The following GRIK2 variants were observed in gnomAD, a reference collection of about 807,000 sequenced individuals.
GRIK2 encodes the protein glutamate receptor ionotropic, kainate 2.
GRIK2 carries 32 observed loss-of-function variants against 100.3 expected under a neutral mutation model. That is an observed-to-expected ratio of 0.32 (90% CI 0.24 to 0.43). The LOEUF is 0.43. Ranked by LOEUF, GRIK2 falls within the 20% of genes least tolerant of loss-of-function variation. The probability of loss-of-function intolerance (pLI) is 1.00; values close to 1 mark genes in which losing one functional copy is unlikely to be tolerated. For synonymous variants in GRIK2, 417 were observed against 389.4 expected, an observed-to-expected ratio of 1.07 and a Z score of -0.83; for missense variants, 843 against 1,114.9, an observed-to-expected ratio of 0.76 and a Z score of 3.47.
chr6:101,601,542 T>C lies in GRIK2; in HGVS notation c.116-20407T>C, dbSNP rs192791576. ...CCTTCTTTTTACAACTGATAGAATT[T>C]GGCTGTAAAGCCATCTGGTCTGGGG... is the stretch of plus-strand genomic sequence containing the variant. On this transcript the variant is annotated intron_variant, in intron 2 of 16. Coordinates refer to ENST00000369134, the MANE Select transcript of GRIK2 (RefSeq NM_021956.5). Among the ~76,000 whole-genome samples, 1,473 of 152,052 alleles carry C rather than the reference T, an allele frequency of 9.7e-3. 15 individuals carry two copies. Among genetic ancestry groups the C allele is most frequent in the Admixed American group, 0.018 (267 of 15,214 alleles).
chr6:101,565,136 T>C (rs926703191), intron 2 of GRIK2, among the ~76,000 whole-genome samples: 1 of 152,118 alleles, frequency 6.6e-6, no homozygotes, highest in Admixed American at 6.6e-5. Context: ...CATTTCGGTC[T>C]GAAACATCTG....
At chr6:101,894,347 A>C in intron 12 of GRIK2, among the ~76,000 whole-genome samples, 1 of 151,806 alleles carries the variant, frequency 6.6e-6, no homozygotes, top group East Asian at 1.9e-4. Context: ...AAGCAGTTAT[A>C]TTATTATTTA....
At chr6:101,526,750 T>A (rs944455175) in intron 2 of GRIK2, among the ~76,000 whole-genome samples, 4 of 152,232 alleles carry the variant, frequency 2.6e-5, no homozygotes, top group African/African-American at 7.2e-5. Context: ...TGTACACAGG[T>A]TGTAGCATAA....
intron 2 of GRIK2, among the ~76,000 whole-genome samples, chr6:101,399,758 G>C (rs1035337694): frequency 6.6e-6 from 1 of 152,198 alleles, no homozygotes; most frequent in African/African-American, 2.4e-5. Flanking sequence ...GTGCGCGCCG[G>C]GGCTGCACGC....
chr6:101,439,355 G>A (rs1300822859), intron 2 of GRIK2, among the ~76,000 whole-genome samples: 2 of 152,074 alleles, frequency 1.3e-5, no homozygotes, highest in Non-Finnish European at 2.9e-5. Context: ...TCAGAAAGCA[G>A]GCATAGTTGC....
chr6:101,933,351 T>G (rs937163084), intron 14 of GRIK2, among the ~76,000 whole-genome samples: 10 of 151,918 alleles, frequency 6.6e-5, no homozygotes, highest in Middle Eastern at 3.2e-3. Flanking sequence ...CTCCATCTCC[T>G]TGCTGTTGTA....
chr6:101,700,082 C>G (rs547962342), intron 7 of GRIK2, among the ~76,000 whole-genome samples: 1 of 151,882 alleles, frequency 6.6e-6, no homozygotes, highest in East Asian at 1.9e-4. Context: ...CCTGAGAGGT[C>G]GAAGCTGCAG....
At chr6:101,851,365 C>A (rs745323420) in intron 10 of GRIK2, among the ~76,000 whole-genome samples, 18 of 151,950 alleles carry the variant, frequency 1.2e-4, no homozygotes, top group Non-Finnish European at 2.2e-4. Flanking sequence ...ACACATATAT[C>A]CCTCATATGC....
At chr6:101,806,693 A>C (rs1398573433) in intron 9 of GRIK2, among the ~76,000 whole-genome samples, 1 of 151,356 alleles carries the variant, frequency 6.6e-6, no homozygotes, top group Admixed American at 6.6e-5. Flanking sequence ...AGAGTAATAG[A>C]AACAGTTTTC....
intron 7 of GRIK2, among the ~76,000 whole-genome samples, chr6:101,760,446 T>C (rs1376495076): frequency 2.1e-4 from 2 of 9,642 alleles, no homozygotes; most frequent in African/African-American, 1.3e-3. Flanking sequence ...ATATATTTAT[T>C]ATATATAATT....
chr6:101,829,478 T>A (rs1782539690), intron 10 of GRIK2, among the ~76,000 whole-genome samples: 1 of 151,982 alleles, frequency 6.6e-6, no homozygotes, highest in Admixed American at 6.6e-5. Context: ...GAATTTATGA[T>A]TTTATACCTA....
chr6:101,851,957 CAA>C (rs35210713), intron 10 of GRIK2, among the ~76,000 whole-genome samples: 10 of 130,178 alleles, frequency 7.7e-5, no homozygotes, highest in Non-Finnish European at 6.5e-5. Flanking sequence ...TGACTATGGG[CAA>C]AAAAAAAAAA....
At chr6:101,971,986 T>C (rs1417183) in intron 14 of GRIK2, among the ~76,000 whole-genome samples, 73,125 of 151,570 alleles carry the variant, frequency 0.48, 17,992 homozygotes, top group African/African-American at 0.58. Context: ...TTTCTTTATC[T>C]GTTCCACCAT....
chr6:101,605,689 A>G (rs1400624971), intron 2 of GRIK2, among the ~76,000 whole-genome samples: 1 of 152,048 alleles, frequency 6.6e-6, no homozygotes, highest in Non-Finnish European at 1.5e-5. Flanking sequence ...CAAAAAACAA[A>G]CAAACAAAAA....
intron 2 of GRIK2, among the ~76,000 whole-genome samples, chr6:101,453,580 C>T (rs962038866): frequency 6.6e-6 from 1 of 151,868 alleles, no homozygotes; most frequent in African/African-American, 2.4e-5. Context: ...AAATTGATAG[C>T]GCTAACCTAG....
chr6:101,870,811 A>T (rs1340549194), intron 11 of GRIK2, among the ~76,000 whole-genome samples: 1 of 151,856 alleles, frequency 6.6e-6, no homozygotes, highest in Non-Finnish European at 1.5e-5. Flanking sequence ...AGGCATTCTG[A>T]AACACATAAT....
chr6:102,041,076 T>TGTCA (rs1457847307), intron 15 of GRIK2, among the ~76,000 whole-genome samples: 1 of 151,618 alleles, frequency 6.6e-6, no homozygotes, highest in Admixed American at 6.6e-5. Flanking sequence ...CTAGATTATA[T>TGTCA]GTCACTGAAA....
chr6:101,481,436 C>G (rs550752136), intron 2 of GRIK2, among the ~76,000 whole-genome samples: 2 of 152,200 alleles, frequency 1.3e-5, no homozygotes, highest in East Asian at 1.9e-4. Flanking sequence ...AGAAGTAATG[C>G]TCTAGCTATT....
At chr6:101,811,118 G>T (rs1234076124) in intron 9 of GRIK2, among the ~76,000 whole-genome samples, 1 of 152,024 alleles carries the variant, frequency 6.6e-6, no homozygotes, top group Non-Finnish European at 1.5e-5. Context: ...ACTATACTTT[G>T]TAGGTCATAT....
Sources: gnomAD v4.1 joint callset for allele counts (sites outside exome capture counted in the v4.1 genomes callset) on GRCh38, gnomAD v4.1.1 for gene constraint, MANE v1.5 for transcripts, NCBI Gene and HGNC (gene_info 2026-07-23, HGNC 2026-07-21) for gene names.